CSMD1: variants seen among roughly 807,000 people sequenced by gnomAD.
The protein encoded by CSMD1 is CUB and sushi domain-containing protein 1.
Under a neutral mutation model 417.5 loss-of-function variants are expected in CSMD1, and 213 were observed. The ratio of observed to expected loss-of-function variants is 0.51; its 90% confidence interval spans 0.46 to 0.57. The LOEUF is 0.57. CSMD1 is among the 20% of genes least tolerant of loss of function. CSMD1 has a pLI of 0.00. For synonymous variants in CSMD1, 2,862 were observed against 1,736.8 expected (o/e 1.65, Z -16.11); for missense variants, 6,923 against 4,529.7 (o/e 1.53, Z -15.17).
chr8:4,639,192 A>C (rs1803041195), intron 1 of CSMD1, among the ~76,000 whole-genome samples: 1 of 150,800 alleles, frequency 6.6e-6, no homozygotes, highest in African/African-American at 2.4e-5. Flanking sequence ...TCCCCTTCCC[A>C]AGTTACTTCC....
At chr8:3,037,401 G>T (rs534427537) in intron 50 of CSMD1, among the ~76,000 whole-genome samples, 1 of 151,092 alleles carries the variant, frequency 6.6e-6, no homozygotes, top group Admixed American at 6.6e-5. Context: ...GTAGAGATGG[G>T]GTTTCACCGT....
At chr8:4,144,831 T>C (rs185290914) in intron 3 of CSMD1, among the ~76,000 whole-genome samples, 17 of 151,044 alleles carry the variant, frequency 1.1e-4, no homozygotes, top group African/African-American at 4.0e-4. Flanking sequence ...TTCGCAATCA[T>C]TCACAATGCA....
intron 26 of CSMD1, among the ~76,000 whole-genome samples, chr8:3,242,266 G>T (rs1462500970): frequency 1.3e-5 from 2 of 151,596 alleles, no homozygotes; most frequent in African/African-American, 2.4e-5. Flanking sequence ...GGCTGAGGAA[G>T]ATTTGGGACC....
chr8:4,860,363 T>G (rs895894844), intron 1 of CSMD1, among the ~76,000 whole-genome samples: 4 of 151,654 alleles, frequency 2.6e-5, no homozygotes, highest in Non-Finnish European at 4.4e-5. Flanking sequence ...TATACATATG[T>G]AACTAACCTG....
intron 1 of CSMD1, among the ~76,000 whole-genome samples, chr8:4,651,412 C>T (rs1037238822): frequency 6.6e-6 from 1 of 152,096 alleles, no homozygotes; most frequent in Non-Finnish European, 1.5e-5. Flanking sequence ...CTCGGGTCTT[C>T]AGCTGGCATC....
chr8:4,531,300 T>C (rs1796806071), intron 2 of CSMD1, among the ~76,000 whole-genome samples: 1 of 152,178 alleles, frequency 6.6e-6, no homozygotes, highest in Non-Finnish European at 1.5e-5. Context: ...CTAAACCCGA[T>C]GTGCCGTGGA....
intron 1 of CSMD1, among the ~76,000 whole-genome samples, chr8:4,976,317 G>T (rs1406760664): frequency 6.6e-6 from 1 of 152,162 alleles, no homozygotes; most frequent in Non-Finnish European, 1.5e-5. Flanking sequence ...CTCAGAAGTT[G>T]CAGCTGTTCC....
intron 7 of CSMD1, among the ~76,000 whole-genome samples, chr8:3,681,479 C>T (rs1047993464): frequency 3.9e-5 from 6 of 152,120 alleles, no homozygotes; most frequent in Non-Finnish European, 7.4e-5. Context: ...ATCCAGCTTA[C>T]AAGGGATGTG....
intron 42 of CSMD1, among the ~76,000 whole-genome samples, chr8:3,110,898 C>T (rs1450757822): frequency 2.6e-5 from 4 of 152,094 alleles, no homozygotes; most frequent in Non-Finnish European, 5.9e-5. Flanking sequence ...TGTTCAATGA[C>T]TTGAAGAACT....
chr8:4,327,537 G>A (rs554810835), intron 3 of CSMD1, among the ~76,000 whole-genome samples: 1 of 152,214 alleles, frequency 6.6e-6, no homozygotes, highest in Non-Finnish European at 1.5e-5. Context: ...GGCTGTTCCA[G>A]CTCCAATGTT....
chr8:4,112,957 G>C (rs750011964), intron 3 of CSMD1, among the ~76,000 whole-genome samples: 1 of 152,076 alleles, frequency 6.6e-6, no homozygotes, highest in Non-Finnish European at 1.5e-5. Flanking sequence ...GTTACATTTT[G>C]GTAATTCTTT....
rs577665630 is a variant in CSMD1, at chr8:4,969,995, G to A, written c.85+24337C>T. 9.2e-4 allele frequency among the ~76,000 whole-genome samples: 138 copies of A among 149,408 alleles called. 1 individual carries two copies. The highest frequency in any genetic ancestry group is 9.3e-4 in the Non-Finnish European group (63 of 67,528). ...ATACGTACCATGCCTTCCATGGTCC[G>A]TATATTAATTATTTCTGCAATACCT... On this transcript the variant is annotated intron_variant, in intron 1 of 69. Coordinates refer to ENST00000635120, the MANE Select transcript of CSMD1 (RefSeq NM_033225.6).
intron 23 of CSMD1, among the ~76,000 whole-genome samples, chr8:3,332,965 C>G (rs942781461): frequency 6.6e-6 from 1 of 152,226 alleles, no homozygotes; most frequent in Non-Finnish European, 1.5e-5. Context: ...GAGCCTGACT[C>G]AATCCAGGGA....
At chr8:4,277,400 C>T (rs974579874) in intron 3 of CSMD1, among the ~76,000 whole-genome samples, 1 of 152,126 alleles carries the variant, frequency 6.6e-6, no homozygotes, top group African/African-American at 2.4e-5. Context: ...CTTGACCCAG[C>T]CCCCATTTCC....
At chr8:4,069,028 A>T (rs1363355128) in intron 3 of CSMD1, among the ~76,000 whole-genome samples, 1 of 152,196 alleles carries the variant, frequency 6.6e-6, no homozygotes, top group Admixed American at 6.5e-5. Flanking sequence ...TACTTTGCTT[A>T]TGTTTTATTC....
intron 2 of CSMD1, among the ~76,000 whole-genome samples, chr8:4,458,494 A>C (rs998323763): frequency 1.3e-5 from 2 of 152,298 alleles, no homozygotes; most frequent in Middle Eastern, 3.4e-3. Context: ...GCATATTATG[A>C]GAAATAGATG....
chr8:4,782,886 T>A (rs895618604), intron 1 of CSMD1, among the ~76,000 whole-genome samples: 7 of 152,132 alleles, frequency 4.6e-5, no homozygotes, highest in African/African-American at 1.4e-4. Context: ...ATGATGTACA[T>A]GTTTTTTGGA....
At chr8:3,060,553 G>C (rs1016403986) in intron 49 of CSMD1, among the ~76,000 whole-genome samples, 2 of 152,148 alleles carry the variant, frequency 1.3e-5, no homozygotes, top group Non-Finnish European at 2.9e-5. Context: ...AGTTAGACTT[G>C]CTCACAGGCA....
chr8:4,080,338 C>T (rs1393450458), intron 3 of CSMD1, among the ~76,000 whole-genome samples: 1 of 149,790 alleles, frequency 6.7e-6, no homozygotes, highest in African/African-American at 2.5e-5. Context: ...GAGTACTTCA[C>T]AAGTGAAAGG....
Sources: allele counts gnomAD v4.1 joint callset (sites outside exome capture counted in the v4.1 genomes callset), GRCh38; gene constraint gnomAD v4.1.1; transcripts MANE v1.5; gene names NCBI Gene and HGNC (gene_info 2026-07-23, HGNC 2026-07-21).